Variants in AFF3 observed in about 807,000 individuals in gnomAD.
AFF3 encodes ALF transcription elongation factor 3.
AFF3 carries 32 observed loss-of-function variants against 129.7 expected under a neutral mutation model. The observed-to-expected ratio is 0.25, with a 90% CI of 0.19 to 0.33. The LOEUF (loss-of-function observed/expected upper bound fraction) is 0.33, where lower values mean the gene tolerates loss of function less well. Ranked by LOEUF, AFF3 falls within the 10% of genes least tolerant of loss-of-function variation. The pLI, the probability that AFF3 is intolerant of heterozygous loss-of-function variation, is 1.00. For synonymous variants in AFF3, 644 were observed against 635.4 expected (o/e 1.01, Z -0.20); for missense variants, 1,373 against 1,592.0 (o/e 0.86, Z 2.34).
intron 7 of AFF3, among the ~76,000 whole-genome samples, chr2:99,927,462 C>G (rs1696339060): frequency 6.6e-6 from 1 of 152,102 alleles, no homozygotes; most frequent in South Asian, 2.1e-4. Flanking sequence ...TTATCCTAGG[C>G]AAATGAACTC....
intron 11 of AFF3, among the ~76,000 whole-genome samples, chr2:99,673,784 C>A (rs1687377548): frequency 6.6e-6 from 1 of 152,220 alleles, no homozygotes; most frequent in Admixed American, 6.5e-5. Flanking sequence ...GGAGTCATTT[C>A]AGTCACTTTT....
At chr2:99,692,601 C>G (rs1675788105) in intron 11 of AFF3, among the ~76,000 whole-genome samples, 1 of 152,144 alleles carries the variant, frequency 6.6e-6, no homozygotes, top group Non-Finnish European at 1.5e-5. Context: ...CCTTCCTCTG[C>G]CAATTCAAAT....
chr2:99,562,992 A>ACTGAC (rs1392085731), intron 20 of AFF3, among the ~76,000 whole-genome samples: 2 of 150,810 alleles, frequency 1.3e-5, no homozygotes, highest in African/African-American at 4.9e-5. Flanking sequence ...GCAGTGCTCC[A>ACTGAC]CTGACCCACG....
intron 7 of AFF3, among the ~76,000 whole-genome samples, chr2:99,969,423 T>C (rs2104409142): frequency 6.6e-6 from 1 of 152,338 alleles, no homozygotes. Context: ...GTTATTAACC[T>C]GAAAATCTGC....
intron 4 of AFF3, among the ~76,000 whole-genome samples, chr2:100,009,899 G>A (rs1427621911): frequency 6.6e-6 from 1 of 152,164 alleles, no homozygotes; most frequent in Non-Finnish European, 1.5e-5. Flanking sequence ...CCCTTAAGAT[G>A]AGCTCTGTCC....
At chr2:99,681,736 C>T (rs955999366) in intron 11 of AFF3, among the ~76,000 whole-genome samples, 5 of 152,146 alleles carry the variant, frequency 3.3e-5, no homozygotes, top group African/African-American at 9.7e-5. Flanking sequence ...TTGGACTCCC[C>T]GTCCCCCAGA....
chr2:99,904,961 C>T (rs1694607681), intron 7 of AFF3, among the ~76,000 whole-genome samples: 1 of 152,144 alleles, frequency 6.6e-6, no homozygotes. Context: ...CCCCATCATC[C>T]TGACTCCCCT....
At chr2:99,985,488 T>C (rs564290359) in intron 7 of AFF3, among the ~76,000 whole-genome samples, 16 of 152,268 alleles carry the variant, frequency 1.1e-4, no homozygotes, top group East Asian at 5.8e-4. Flanking sequence ...TAAAGGTAAA[T>C]TGGTGTGGAG....
intron 8 of AFF3, among the ~76,000 whole-genome samples, chr2:99,773,086 A>ATC (rs1683618024): frequency 6.6e-6 from 1 of 152,034 alleles, no homozygotes; most frequent in African/African-American, 2.4e-5. Flanking sequence ...TCCACATCCT[A>ATC]CCCTTCTATC....
rs1365175262 is a variant in AFF3 at position 99,547,856 on chromosome 2, C to T, written c.*3618G>A. Reference sequence around the variant, plus strand: ...ATATAATACACACATCATTGTTGTACATATGAGGATAAGTTTTAGTGCAGA... The same window carrying T: ...ATATAATACACACATCATTGTTGTATATATGAGGATAAGTTTTAGTGCAGA... On this transcript the variant is annotated 3_prime_UTR_variant, in exon 25 of 25. Transcript: ENST00000672756. The T allele has an allele frequency of 2.4e-5, 5 of 212,748 alleles. No homozygotes were observed. The highest frequency in any genetic ancestry group is 7.1e-5 in the East Asian group (1 of 14,046). 13.2% of individuals were successfully genotyped at this position (212,748 alleles called of 1,614,324 possible). A position where few individuals can be genotyped will look rare whatever the true frequency, so the allele number is the denominator to read the frequency against.
intron 7 of AFF3, among the ~76,000 whole-genome samples, chr2:99,906,549 T>C (rs1275655014): frequency 6.6e-6 from 1 of 152,044 alleles, no homozygotes; most frequent in Non-Finnish European, 1.5e-5. Context: ...AAGATGAAAG[T>C]CGATAACAAT....
rs548437771 is a variant in AFF3 at position 99,621,006 on chromosome 2, T to C, written c.1185-19385A>G. Among the ~76,000 whole-genome samples, 8 of 152,164 alleles carry C rather than the reference T, an allele frequency of 5.3e-5. No individual in the cohort carries two copies. In the South Asian group the frequency reaches 1.7e-3, roughly 32 times the overall value. ...AACCATGAGCCAAATAAATCTCTTTTCTTTATAAATTACCTGGCCTCAGGT... is the reference window on the plus strand; with the variant it reads ...AACCATGAGCCAAATAAATCTCTTTCCTTTATAAATTACCTGGCCTCAGGT... On this transcript the variant is annotated intron_variant, in intron 13 of 24. Coordinates refer to ENST00000672756, the MANE Select transcript of AFF3 (RefSeq NM_001386135.1).
intron 7 of AFF3, among the ~76,000 whole-genome samples, chr2:99,972,347 AGCTG>A (rs1678469876): frequency 6.6e-6 from 1 of 152,256 alleles, no homozygotes; most frequent in Non-Finnish European, 1.5e-5. Context: ...TTATATTCAC[AGCTG>A]CTACAGTTGG....
At chr2:99,909,715 A>C (rs1694986228) in intron 7 of AFF3, among the ~76,000 whole-genome samples, 1 of 152,144 alleles carries the variant, frequency 6.6e-6, no homozygotes, top group Non-Finnish European at 1.5e-5. Flanking sequence ...AAAACCAAGA[A>C]TGTGGCATTC....
intron 11 of AFF3, among the ~76,000 whole-genome samples, chr2:99,693,315 T>G (rs1675865400): frequency 1.3e-5 from 2 of 152,240 alleles, no homozygotes; most frequent in South Asian, 4.1e-4. Context: ...AAAATCTTAT[T>G]TTTTCTTGTG....
chr2:99,632,769 G>A (rs1011349005), intron 13 of AFF3, among the ~76,000 whole-genome samples: 1 of 152,202 alleles, frequency 6.6e-6, no homozygotes, highest in African/African-American at 2.4e-5. Flanking sequence ...GTGGAAACAG[G>A]ATTTTAAATT....
At position 99,593,982 on chromosome 2, in the gene AFF3, G is replaced by C; in HGVS notation, c.1679C>G (p.Ala560Gly). The C allele has an allele frequency of 4.6e-6, 7 of 1,516,316 alleles. No individual in the cohort carries two copies. In the South Asian group the frequency reaches 8.1e-5, roughly 17 times the overall value. The allele number at this position is 1,516,316 out of a possible 1,614,324, so 93.9% of individuals were successfully genotyped here. A position where few individuals can be genotyped will look rare whatever the true frequency, so the allele number is the denominator to read the frequency against. ...PPAAVAVAVSAAAPPPAVPCA... is the reference protein window; with the variant it reads ...PPAAVAVAVSGAAPPPAVPCA... ...GGGCACTGCGGGTGGCGGGGCGGCT[G>C]CGCTCACCGCCACGGCCACGGCCGC... Residue 560 changes from alanine (A) to glycine (G), a missense_variant, in exon 15 of 25, where the codon GCA (alanine) becomes GGA (glycine). By Grantham distance (60) the Ala-to-Gly change is moderately conservative. This residue lies in a region of AFF3 where 413 missense variants were observed against 424.4 expected (regional missense o/e 0.97). Coordinates refer to ENST00000672756, the MANE Select transcript of AFF3 (RefSeq NM_001386135.1).
At chr2:99,979,778 C>T (rs1397147726) in intron 7 of AFF3, among the ~76,000 whole-genome samples, 1 of 152,166 alleles carries the variant, frequency 6.6e-6, no homozygotes, top group Non-Finnish European at 1.5e-5. Flanking sequence ...CCACTGCACC[C>T]GGCCTATTCT....
At chr2:99,826,828 G>A (rs1688118905) in intron 8 of AFF3, among the ~76,000 whole-genome samples, 1 of 152,182 alleles carries the variant, frequency 6.6e-6, no homozygotes, top group Non-Finnish European at 1.5e-5. Flanking sequence ...GCTTTGGAAA[G>A]TGGATTCTGC....
Sources: allele counts gnomAD v4.1 joint callset (sites outside exome capture counted in the v4.1 genomes callset), GRCh38; gene constraint gnomAD v4.1.1; regional missense constraint gnomAD v4.1.1; transcripts MANE v1.5; gene names NCBI Gene and HGNC (gene_info 2026-07-23, HGNC 2026-07-21).